SP1: variants seen among roughly 807,000 people sequenced by gnomAD.
SP1 encodes transcription factor Sp1.
In SP1, 6 loss-of-function variants were observed where a neutral mutation model predicts 66.3. That is an observed-to-expected ratio of 0.09 (90% CI 0.05 to 0.18). The LOEUF (loss-of-function observed/expected upper bound fraction) is 0.18, where lower values mean the gene tolerates loss of function less well. Ranked by LOEUF, SP1 falls within the 10% of genes least tolerant of loss-of-function variation. The probability of loss-of-function intolerance (pLI) is 1.00; values close to 1 mark genes in which losing one functional copy is unlikely to be tolerated. For synonymous variants in SP1, 417 were observed against 360.8 expected (o/e 1.16, Z -1.77); for missense variants, 848 against 964.5 (o/e 0.88, Z 1.60).
At chr12:53,407,746 C>T (rs1166991252) in intron 4 of SP1, among the ~76,000 whole-genome samples, 1 of 151,236 alleles carries the variant, frequency 6.6e-6, no homozygotes, top group East Asian at 2.0e-4. Context: ...ACGCCATTCT[C>T]CTGCCTCAGC....
At chr12:53,381,622 C>T (rs752106520) in intron 1 of SP1, 37 bp from the exon 2 acceptor site, 18 of 1,559,024 alleles carry the variant, frequency 1.2e-5, no homozygotes, top group East Asian at 2.3e-5. Flanking sequence ...TCTTTTCTTC[C>T]CTCAAGTTTA....
chr12:53,380,277 C>T lies in SP1; in HGVS notation c.-15C>T, dbSNP rs755435898. On this transcript the variant is annotated 5_prime_UTR_variant, in exon 1 of 6. Coordinates refer to ENST00000327443, the MANE Select transcript of SP1 (RefSeq NM_138473.3). Reference sequence around the variant, plus strand: ...CCGGACAGGACCCCCTTGAGCTTGTCCCTCAGCTGCCACCATGAGCGGTAA... The same window carrying T: ...CCGGACAGGACCCCCTTGAGCTTGTTCCTCAGCTGCCACCATGAGCGGTAA... The T allele has an allele frequency of 2.2e-6, 2 of 900,548 alleles. No individual in the cohort carries two copies. Among genetic ancestry groups the T allele is most frequent in the South Asian group, 1.3e-5 (1 of 77,104 alleles). The allele number at this position is 900,548 out of a possible 1,614,324, so 55.8% of individuals were successfully genotyped here. A position where few individuals can be genotyped will look rare whatever the true frequency, so the allele number is the denominator to read the frequency against.
At chr12:53,407,969 G>A (rs1188401344) in intron 4 of SP1, among the ~76,000 whole-genome samples, 3 of 142,392 alleles carry the variant, frequency 2.1e-5, no homozygotes, top group East Asian at 2.2e-4. Context: ...ATCTTCATCC[G>A]GGTACGGTGG....
chr12:53,382,376 T>C lies in SP1; in HGVS notation c.429T>C (p.Ser143=). The C allele has an allele frequency of 6.2e-7, 1 of 1,614,216 alleles. No homozygotes were observed. Among genetic ancestry groups the C allele is most frequent in the Non-Finnish European group, 8.5e-7 (1 of 1,180,036 alleles). The part of the protein sequence containing the change: ...GSESSKNRTV[S]GGQYVVAAAP... ...AGTCTTCCAAGAATCGCACAGTCTC[T>C]GGTGGGCAGTATGTTGTGGCTGCCG... is the stretch of plus-strand genomic sequence containing the variant. The change falls in exon 3 of 6, where the codon TCT becomes TCC. Residue 143 remains serine, a synonymous_variant. Coordinates refer to ENST00000327443, the MANE Select transcript of SP1 (RefSeq NM_138473.3).
intron 3 of SP1, among the ~76,000 whole-genome samples, chr12:53,401,743 C>T (rs1353444420): frequency 6.6e-6 from 1 of 151,878 alleles, no homozygotes; most frequent in Non-Finnish European, 1.5e-5. Flanking sequence ...ATCTTGGCTC[C>T]CTGCAACCTC....
intron 3 of SP1, among the ~76,000 whole-genome samples, chr12:53,389,768 C>T (rs987496270): frequency 1.3e-5 from 2 of 152,106 alleles, no homozygotes; most frequent in Non-Finnish European, 1.5e-5. Flanking sequence ...AAACTCTTGC[C>T]GCAGGTTGAC....
rs1938046425 is a variant in SP1, at chr12:53,380,180, C to G, written c.-112C>G. 5.3e-6 allele frequency: 4 copies of G among 749,594 alleles called. No individual in the cohort carries two copies. Among genetic ancestry groups the G allele is most frequent in the Non-Finnish European group, 2.4e-6 (1 of 418,314 alleles). 46.4% of individuals were successfully genotyped at this position (749,594 alleles called of 1,614,324 possible). On this transcript the variant is annotated 5_prime_UTR_variant, in exon 1 of 6. Coordinates refer to ENST00000327443, the MANE Select transcript of SP1 (RefSeq NM_138473.3). ...GCGCGCTGCTCCCTCCTCCTTACCC[C>G]CCCCTCCCTGTCCGGTCCGGGTTCG...
At position 53,414,535 on chromosome 12, in the gene SP1, A is replaced by G. The variant is rs1419794134; in HGVS notation, c.*3295A>G. The G allele has an allele frequency of 6.6e-6, 1 of 152,638 alleles. No individual in the cohort carries two copies. Among genetic ancestry groups the G allele is most frequent in the African/African-American group, 2.4e-5 (1 of 41,468 alleles). The allele number at this position is 152,638 out of a possible 1,614,324, so 9.5% of individuals were successfully genotyped here. On this transcript the variant is annotated 3_prime_UTR_variant, in exon 6 of 6. Coordinates refer to ENST00000327443, the MANE Select transcript of SP1 (RefSeq NM_138473.3). ...TATGATTAGGGGAGGGTTGGAGACA[A>G]AAGCTGTAAATTACTATGGCTGATT...
chr12:53,392,606 C>T (rs1938379721), intron 3 of SP1, among the ~76,000 whole-genome samples: 1 of 151,842 alleles, frequency 6.6e-6, no homozygotes, highest in East Asian at 1.9e-4. Context: ...ATCCGCCCGC[C>T]TCGGCCTCCC....
rs765684634 is a variant in SP1 at position 53,382,832 on chromosome 12, C to T, written c.885C>T (p.Gly295=). Reference sequence around the variant, plus strand: ...GCAGCTCTGGGTCCCAGGAGAGTGGCTCACAGCCTGTCACCTCAGGGACTA... The same window carrying T: ...GCAGCTCTGGGTCCCAGGAGAGTGGTTCACAGCCTGTCACCTCAGGGACTA... The part of the protein sequence containing the change: ...TISSSGSQES[G]SQPVTSGTTI... Residue 295 remains glycine, a synonymous_variant, in exon 3 of 6, where the codon GGC becomes GGT. Coordinates refer to ENST00000327443, the MANE Select transcript of SP1 (RefSeq NM_138473.3). The T allele has an allele frequency of 1.2e-6, 2 of 1,614,184 alleles. No individual in the cohort carries two copies. Among genetic ancestry groups the T allele is most frequent in the South Asian group, 1.1e-5 (1 of 91,088 alleles).
chr12:53,394,306 TAAAG>T (rs981804033), intron 3 of SP1, among the ~76,000 whole-genome samples: 4 of 146,204 alleles, frequency 2.7e-5, no homozygotes, highest in African/African-American at 1.0e-4. Context: ...TCATTTGCCT[TAAAG>T]AAGATAAAAA....
chr12:53,396,978 T>C (rs577040323), intron 3 of SP1, among the ~76,000 whole-genome samples: 13 of 152,038 alleles, frequency 8.6e-5, no homozygotes, highest in African/African-American at 2.9e-4. Flanking sequence ...TAAAAAAAAA[T>C]CATTTTTTTT....
chr12:53,405,961 C>T (rs963015228), intron 3 of SP1, among the ~76,000 whole-genome samples: 10 of 149,084 alleles, frequency 6.7e-5, no homozygotes, highest in Non-Finnish European at 1.3e-4. Flanking sequence ...GTAACCTACA[C>T]GTTGTGCACA....
chr12:53,402,028 G>A (rs1592568042), intron 3 of SP1, among the ~76,000 whole-genome samples: 2 of 152,164 alleles, frequency 1.3e-5, no homozygotes, highest in East Asian at 1.9e-4. Flanking sequence ...AGAAGCTGAC[G>A]ACCAGAAAAG....
intron 1 of SP1, chr12:53,381,382 C>T (rs1335931691): frequency 7.5e-6 from 2 of 267,916 alleles, no homozygotes; most frequent in South Asian, 1.8e-4. Context: ...ACCATGCCTA[C>T]CGTCCTTCAC....
rs755522826 is a variant in SP1, at chr12:53,382,744, T to G, written c.797T>G (p.Leu266Trp). The change falls in exon 3 of 6, where the codon TTG becomes TGG. Residue 266 changes from leucine (L) to tryptophan (W), a missense_variant. This residue lies in a region of SP1 where 606 missense variants were observed against 589.9 expected (regional missense o/e 1.03). Transcript: ENST00000327443. ...VPVALNGNIT[L>W]LPVNSVSAAT... Reference sequence around the variant, plus strand: ...GTGGCCCTGAATGGGAACATCACCTTGCTACCTGTCAACAGCGTTTCTGCA... The same window carrying G: ...GTGGCCCTGAATGGGAACATCACCTGGCTACCTGTCAACAGCGTTTCTGCA... 1 of 1,614,160 alleles carries G rather than the reference T, an allele frequency of 6.2e-7. No homozygotes were observed. Among genetic ancestry groups the G allele is most frequent in the Admixed American group, 1.7e-5 (1 of 60,010 alleles).
Position 53,383,087 on chromosome 12 carries a change from G to T in SP1, c.1140G>T (p.Leu380Phe), listed in dbSNP as rs765060887. ...AAAACCAGACATCTGGAGGCTCATT[G>T]CAAGCAGGCCAGCAAAAAGAAGGAG... ...IQQNQTSGGS[L>F]QAGQQKEGEQ... The change falls in exon 3 of 6, where the codon TTG becomes TTT. Residue 380 changes from leucine (L) to phenylalanine (F), a missense_variant. By Grantham distance (22) the Leu-to-Phe change is conservative. Transcript: ENST00000327443. The T allele has an allele frequency of 6.2e-7, 1 of 1,614,188 alleles. No homozygotes were observed. Among genetic ancestry groups the T allele is most frequent in the South Asian group, 1.1e-5 (1 of 91,086 alleles).
rs1938936719 is a variant in SP1 at position 53,413,484 on chromosome 12, CA to C, written c.*2246del. 6.6e-6 allele frequency: 1 copy of C among 152,592 alleles called. No individual in the cohort carries two copies. The highest frequency in any genetic ancestry group is 1.5e-5 in the Non-Finnish European group (1 of 68,038). 9.5% of individuals were successfully genotyped at this position (152,592 alleles called of 1,614,324 possible). A position where few individuals can be genotyped will look rare whatever the true frequency, so the allele number is the denominator to read the frequency against. On this transcript the variant is annotated 3_prime_UTR_variant, in exon 6 of 6. Transcript: ENST00000327443. ...AACTATAGTAACTTAATACTCTAAA[CA>C]ATAGTTCACTCCATTTGGTCCTTTC...
intron 3 of SP1, among the ~76,000 whole-genome samples, chr12:53,405,906 C>T (rs545397731): frequency 1.8e-4 from 28 of 151,542 alleles, no homozygotes; most frequent in African/African-American, 5.6e-4. Context: ...TGCTAAATGA[C>T]GAGTTAATGG....
Sources: gnomAD v4.1 joint callset for allele counts (sites outside exome capture counted in the v4.1 genomes callset) on GRCh38, gnomAD v4.1.1 for gene constraint, gnomAD v4.1.1 regional missense constraint, MANE v1.5 for transcripts, NCBI Gene and HGNC (gene_info 2026-07-23, HGNC 2026-07-21) for gene names.